The following PXDNL variants were observed in gnomAD, a reference collection of about 807,000 sequenced individuals.
The protein encoded by PXDNL is peroxidasin like, also known as probable oxidoreductase PXDNL.
In PXDNL, 145 loss-of-function variants were observed where a neutral mutation model predicts 150.8. The ratio of observed to expected loss-of-function variants is 0.96; its 90% CI spans 0.84 to 1.10. The LOEUF (loss-of-function observed/expected upper bound fraction) is 1.10, where lower values mean the gene tolerates loss of function less well. Ranked by LOEUF, PXDNL falls within the 50% of genes least tolerant of loss-of-function variation. PXDNL has a pLI of 0.00. For missense variants in PXDNL, 2,087 were observed against 1,873.9 expected, an observed-to-expected ratio of 1.11 and a Z score of -2.10; for synonymous variants, 757 against 725.7, an observed-to-expected ratio of 1.04 and a Z score of -0.69.
intron 1 of PXDNL, among the ~76,000 whole-genome samples, chr8:51,675,386 G>C (rs1815591506): frequency 6.6e-6 from 1 of 152,072 alleles, no homozygotes; most frequent in Non-Finnish European, 1.5e-5. Context: ...AGAAGACACA[G>C]CAACAAGGCA....
intron 3 of PXDNL, among the ~76,000 whole-genome samples, chr8:51,572,662 G>A (rs1812971642): frequency 7.3e-6 from 1 of 137,484 alleles, no homozygotes; most frequent in South Asian, 2.1e-4. Context: ...TGTACTTTAT[G>A]ATACTGCTTA....
At chr8:51,803,611 C>A (rs1408270627) in intron 1 of PXDNL, among the ~76,000 whole-genome samples, 1 of 152,192 alleles carries the variant, frequency 6.6e-6, no homozygotes, top group Non-Finnish European at 1.5e-5. Context: ...CCCTCCTTTT[C>A]CTCCAGGACC....
intron 3 of PXDNL, among the ~76,000 whole-genome samples, chr8:51,557,502 A>G (rs1206684161): frequency 6.6e-6 from 1 of 152,170 alleles, no homozygotes; most frequent in African/African-American, 2.4e-5. Context: ...TTTTTCTTCA[A>G]CCATAGGTTA....
intron 19 of PXDNL, among the ~76,000 whole-genome samples, chr8:51,360,398 A>G (rs1806688128): frequency 6.6e-6 from 1 of 152,194 alleles, no homozygotes; most frequent in South Asian, 2.1e-4. Context: ...ACATGTACAT[A>G]TGCATAACTT....
intron 1 of PXDNL, among the ~76,000 whole-genome samples, chr8:51,808,340 CTTT>C (rs746803350): frequency 7.9e-5 from 12 of 152,012 alleles, no homozygotes; most frequent in African/African-American, 1.5e-4. Flanking sequence ...TCCTTTTCTT[CTTT>C]TATTTTTTCT....
intron 17 of PXDNL, among the ~76,000 whole-genome samples, chr8:51,377,299 C>A (rs1807353865): frequency 1.3e-5 from 2 of 151,782 alleles, no homozygotes; most frequent in Admixed American, 6.6e-5. Context: ...GTCTCACTTT[C>A]TCGCCCATGC....
intron 3 of PXDNL, among the ~76,000 whole-genome samples, chr8:51,587,410 A>G (rs1813348075): frequency 6.6e-6 from 1 of 152,180 alleles, no homozygotes; most frequent in African/African-American, 2.4e-5. Flanking sequence ...TGAAAGCACA[A>G]CTTGTCTTAA....
intron 4 of PXDNL, among the ~76,000 whole-genome samples, chr8:51,512,613 C>G (rs892196277): frequency 6.6e-6 from 1 of 152,180 alleles, no homozygotes; most frequent in Non-Finnish European, 1.5e-5. Flanking sequence ...AATGCAGAAA[C>G]AGCCACATGT....
intron 4 of PXDNL, among the ~76,000 whole-genome samples, chr8:51,547,050 G>T (rs117657944): frequency 1.3e-5 from 2 of 152,116 alleles, no homozygotes; most frequent in African/African-American, 4.8e-5. Context: ...CCACCTGATG[G>T]TTTTCTCTAC....
chr8:51,566,853 T>C (rs1199627384), intron 3 of PXDNL, among the ~76,000 whole-genome samples: 6 of 151,536 alleles, frequency 4.0e-5, no homozygotes, highest in Non-Finnish European at 8.9e-5. Context: ...CTTTTTTTTC[T>C]CTTGTCTCCT....
At chr8:51,798,349 T>C (rs1190464514) in intron 1 of PXDNL, among the ~76,000 whole-genome samples, 1 of 152,170 alleles carries the variant, frequency 6.6e-6, no homozygotes, top group Admixed American at 6.5e-5. Flanking sequence ...CTAATTAAAC[T>C]ATAGAGCTTT....
chr8:51,666,704 A>G (rs1815394910), intron 1 of PXDNL, among the ~76,000 whole-genome samples: 1 of 152,060 alleles, frequency 6.6e-6, no homozygotes, highest in Non-Finnish European at 1.5e-5. Flanking sequence ...CTGACCCTAC[A>G]CATCCATGCA....
intron 12 of PXDNL, among the ~76,000 whole-genome samples, chr8:51,444,493 TA>T (rs1809626081): frequency 6.6e-6 from 1 of 152,112 alleles, no homozygotes; most frequent in African/African-American, 2.4e-5. Context: ...ATTCCTTAAA[TA>T]AAATAGTATC....
chr8:51,653,620 A>C (rs1815086951), intron 2 of PXDNL, among the ~76,000 whole-genome samples: 1 of 152,204 alleles, frequency 6.6e-6, no homozygotes, highest in Non-Finnish European at 1.5e-5. Flanking sequence ...TTATGTTCTT[A>C]CATCATCCCA....
intron 3 of PXDNL, among the ~76,000 whole-genome samples, chr8:51,580,933 C>G (rs961342789): frequency 1.3e-5 from 2 of 152,076 alleles, no homozygotes; most frequent in African/African-American, 4.8e-5. Context: ...GCATAATTAG[C>G]AAATATACAA....
In PXDNL at chr8:51,360,924, CTT is replaced by C. The variant is rs531795991; in HGVS notation, c.3901+10947_3901+10948del. On this transcript the variant is annotated intron_variant, in intron 19 of 22. Transcript: ENST00000356297. ...TCTGAGCCTACTCTGGCTCAGGAGT[CTT>C]CTTAATTCACAAATCATTCTTTACT... Among the ~76,000 whole-genome samples, 23 of 152,332 alleles carry C rather than the reference CTT, an allele frequency of 1.5e-4. No individual in the cohort carries two copies. In the East Asian group the frequency reaches 4.4e-3, roughly 29 times the overall value.
At chr8:51,470,717 A>G (rs1295824169) in intron 8 of PXDNL, among the ~76,000 whole-genome samples, 1 of 152,194 alleles carries the variant, frequency 6.6e-6, no homozygotes, top group Middle Eastern at 3.2e-3. Context: ...CAAACCTGAC[A>G]AAAACAAGAA....
In PXDNL at chr8:51,409,264, C is replaced by T; in HGVS notation, c.2360G>A (p.Trp787Ter). 6.8e-7 allele frequency: 1 copy of T among 1,460,044 alleles called. No homozygotes were observed. Among genetic ancestry groups the T allele is most frequent in the Non-Finnish European group, 9.0e-7 (1 of 1,110,854 alleles). The allele number at this position is 1,460,044 out of a possible 1,614,324, so 90.4% of individuals were successfully genotyped here. A position where few individuals can be genotyped will look rare whatever the true frequency, so the allele number is the denominator to read the frequency against. The change falls in exon 17 of 23, where the codon TGG (tryptophan) becomes TAG (stop). Residue 787 changes from tryptophan to a stop codon, truncating the protein, a stop_gained. Coordinates refer to ENST00000356297, the MANE Select transcript of PXDNL (RefSeq NM_144651.5). LOFTEE classifies it high-confidence loss of function. ...GGGGGTGACGGCCGCCGCGCGCGCC[C>T]ACACTGTGGCGACCAGCCGGGGCGG... is the stretch of plus-strand genomic sequence containing the variant. ...LPPPRLVATV[W>*]ARAAAVTPDH...
chr8:51,473,274 A>AACACACACACACACACACACACACACAC (rs1164131411), intron 7 of PXDNL, among the ~76,000 whole-genome samples: 16 of 134,024 alleles, frequency 1.2e-4, no homozygotes, highest in Admixed American at 4.0e-4. Flanking sequence ...GTAGAAAATA[A>AACACACACACACACACACACACACACAC]ACACACACAC....
Sources: allele counts gnomAD v4.1 joint callset (sites outside exome capture counted in the v4.1 genomes callset), GRCh38; gene constraint gnomAD v4.1.1; transcripts MANE v1.5; gene names NCBI Gene and HGNC (gene_info 2026-07-23, HGNC 2026-07-21).